Variants in LINGO2 observed in about 807,000 individuals in gnomAD.
The protein encoded by LINGO2 is leucine rich repeat and Ig domain containing 2.
Under a neutral mutation model 30.6 loss-of-function variants are expected in LINGO2, and 14 were observed. The ratio of observed to expected loss-of-function variants is 0.46; its 90% CI spans 0.30 to 0.72. The LOEUF is 0.72. Ranked by LOEUF, LINGO2 falls within the 30% of genes least tolerant of loss-of-function variation. LINGO2 has a pLI of 0.07. For missense variants in LINGO2, 729 were observed against 751.7 expected, an observed-to-expected ratio of 0.97 and a Z score of 0.35; for synonymous variants, 317 against 288.5, an observed-to-expected ratio of 1.10 and a Z score of -1.00.
chr9:29,017,790 A>C, the LINGO2 span, among the ~76,000 whole-genome samples: 1 of 152,022 alleles, frequency 6.6e-6, no homozygotes, highest in Admixed American at 6.6e-5. Flanking sequence ...GCAATCCTGC[A>C]AATGGGAGAA....
the LINGO2 span, among the ~76,000 whole-genome samples, chr9:29,090,638 T>C: frequency 1.3e-5 from 2 of 152,042 alleles, no homozygotes; most frequent in African/African-American, 2.4e-5. Context: ...TTAGTAATTA[T>C]AATGAAGAAA....
intron 4 of LINGO2, among the ~76,000 whole-genome samples, chr9:28,153,125 T>C (rs1425939060): frequency 6.6e-6 from 1 of 152,186 alleles, no homozygotes; most frequent in Non-Finnish European, 1.5e-5. Context: ...AAGACATTTG[T>C]TGTTCCTGGG....
At chr9:28,073,619 G>C (rs942287474) in intron 4 of LINGO2, among the ~76,000 whole-genome samples, 4 of 152,170 alleles carry the variant, frequency 2.6e-5, no homozygotes, top group African/African-American at 2.4e-5. Flanking sequence ...AGTTGACTGA[G>C]GTTCTCCTAA....
intron 4 of LINGO2, among the ~76,000 whole-genome samples, chr9:28,143,265 T>G (rs1473140312): frequency 6.6e-6 from 1 of 152,178 alleles, no homozygotes; most frequent in Non-Finnish European, 1.5e-5. Context: ...TTGCTGCATT[T>G]ATTGAATAGT....
At chr9:29,138,292 T>A in the LINGO2 span, among the ~76,000 whole-genome samples, 1 of 150,872 alleles carries the variant, frequency 6.6e-6, no homozygotes, top group Non-Finnish European at 1.5e-5. Context: ...TTTTAAAAGT[T>A]CCCTTCTTTT....
chr9:28,690,540 G>A, the LINGO2 span, among the ~76,000 whole-genome samples: 1 of 152,214 alleles, frequency 6.6e-6, no homozygotes, highest in African/African-American at 2.4e-5. Flanking sequence ...AAAATTTGTT[G>A]TAGTCATTTT....
intron 1 of LINGO2, among the ~76,000 whole-genome samples, chr9:28,597,484 C>CA (rs569966736): frequency 2.5e-4 from 38 of 152,252 alleles, no homozygotes; most frequent in Non-Finnish European, 4.6e-4. Context: ...GTCAAGGCCA[C>CA]AAATGGCTTG....
the LINGO2 span, among the ~76,000 whole-genome samples, chr9:28,837,511 G>A: frequency 1.3e-5 from 2 of 150,956 alleles, no homozygotes; most frequent in Admixed American, 6.6e-5. Flanking sequence ...GCTGGGTGGG[G>A]TGGTGCATGC....
the LINGO2 span, among the ~76,000 whole-genome samples, chr9:29,000,932 G>C: frequency 1.3e-5 from 2 of 151,986 alleles, no homozygotes; most frequent in Middle Eastern, 3.4e-3. Context: ...CATTTTAATA[G>C]GTTATGAAAT....
At chr9:28,522,675 G>A (rs1027173743) in intron 1 of LINGO2, among the ~76,000 whole-genome samples, 1 of 152,128 alleles carries the variant, frequency 6.6e-6, no homozygotes, top group Non-Finnish European at 1.5e-5. Context: ...ATAAGAATAA[G>A]TAATGTGGGA....
At chr9:29,070,407 G>C in the LINGO2 span, among the ~76,000 whole-genome samples, 11 of 152,224 alleles carry the variant, frequency 7.2e-5, no homozygotes, top group African/African-American at 2.4e-4. Flanking sequence ...AGGAAGCAAT[G>C]CATTGACCTC....
chr9:28,106,437 T>G (rs1330038617), intron 4 of LINGO2, among the ~76,000 whole-genome samples: 7 of 152,172 alleles, frequency 4.6e-5, no homozygotes, highest in African/African-American at 1.7e-4. Context: ...CTCTCCCCTC[T>G]CCGTGCCCCA....
chr9:28,002,593 G>A (rs1401389702), intron 5 of LINGO2, among the ~76,000 whole-genome samples: 1 of 152,118 alleles, frequency 6.6e-6, no homozygotes, highest in East Asian at 1.9e-4. Flanking sequence ...GTTGCCCTCT[G>A]TAAGAATTTG....
chr9:28,068,266 C>CAA (rs1168081673), intron 4 of LINGO2, among the ~76,000 whole-genome samples: 2 of 152,088 alleles, frequency 1.3e-5, no homozygotes, highest in African/African-American at 4.8e-5. Context: ...AGTCCAAGGC[C>CAA]AAAGTGCTTT....
intron 1 of LINGO2, among the ~76,000 whole-genome samples, chr9:28,629,414 CTT>C (rs1220996189): frequency 1.3e-5 from 2 of 152,030 alleles, no homozygotes; most frequent in African/African-American, 4.8e-5. Flanking sequence ...TTACGATCCT[CTT>C]GTTTCCCCCA....
intron 1 of LINGO2, among the ~76,000 whole-genome samples, chr9:28,495,965 G>T (rs1439756951): frequency 2.6e-5 from 4 of 152,038 alleles, no homozygotes; most frequent in Non-Finnish European, 5.9e-5. Flanking sequence ...GTAGTTGAGT[G>T]GTTTTGAGTG....
chr9:29,043,067 A>C, the LINGO2 span, among the ~76,000 whole-genome samples: 3 of 152,036 alleles, frequency 2.0e-5, no homozygotes, highest in South Asian at 6.2e-4. Context: ...GTAAATCTAC[A>C]ATAATCTCAA....
rs532311157 is a variant in LINGO2 at position 28,485,696 on chromosome 9, C to T, written c.-364-9671G>A. On this transcript the variant is annotated intron_variant, in intron 1 of 5. Transcript: ENST00000379992. ...TATGTGGCCACAGCATGCAACAACC[C>T]TGAAACATGGTTGCTGAAACCAACC... Among the ~76,000 whole-genome samples, 36 of 152,190 alleles carry T rather than the reference C, an allele frequency of 2.4e-4. 1 individual carries two copies. In the South Asian group the frequency reaches 6.8e-3, roughly 29 times the overall value.
At chr9:28,142,848 G>T (rs1345849236) in intron 4 of LINGO2, among the ~76,000 whole-genome samples, 2 of 152,068 alleles carry the variant, frequency 1.3e-5, no homozygotes, top group African/African-American at 4.8e-5. Flanking sequence ...TGTTTTGCCT[G>T]TTTATGATCA....
Sources: gnomAD v4.1 joint callset for allele counts (sites outside exome capture counted in the v4.1 genomes callset) on GRCh38, gnomAD v4.1.1 for gene constraint, MANE v1.5 for transcripts, NCBI Gene and HGNC (gene_info 2026-07-23, HGNC 2026-07-21) for gene names.